Variants in SLC18A1 observed in about 807,000 individuals in gnomAD.
The protein encoded by SLC18A1 is chromaffin granule amine transporter.
In SLC18A1, 69 loss-of-function variants were observed where a neutral mutation model predicts 53.7. The observed-to-expected ratio is 1.28, with a 90% CI of 1.06 to 1.57. SLC18A1 has a LOEUF of 1.57. Among genes scored for constraint, SLC18A1 ranks in the 40% most tolerant of loss-of-function variants. SLC18A1 has a pLI of 0.00. For missense variants in SLC18A1, 932 were observed against 668.1 expected (o/e 1.40, Z -4.35); for synonymous variants, 320 against 248.1 (o/e 1.29, Z -2.72).
intron 10 of SLC18A1, among the ~76,000 whole-genome samples, chr8:20,163,500 T>A (rs1052787794): frequency 6.6e-6 from 1 of 152,074 alleles, no homozygotes; most frequent in African/African-American, 2.4e-5. Context: ...TAGTATATGG[T>A]GGGCCACATA....
At chr8:20,178,611 T>C (rs1392982228) in intron 3 of SLC18A1, 118 bp from the exon 4 acceptor site, 4 of 715,644 alleles carry the variant, frequency 5.6e-6, no homozygotes, top group African/African-American at 1.8e-5. Flanking sequence ...TGGTAAAACA[T>C]GCCTCTGAAT....
intron 4 of SLC18A1, among the ~76,000 whole-genome samples, chr8:20,176,079 C>T (rs192931251): frequency 8.2e-4 from 125 of 152,252 alleles, no homozygotes; most frequent in Middle Eastern, 3.4e-3. Context: ...GGTTGTTTGT[C>T]CCCACCAAAT....
intron 7 of SLC18A1, 120 bp downstream of exon 7, chr8:20,171,285 T>C: frequency 7.7e-7 from 1 of 1,303,128 alleles, no homozygotes; most frequent in Non-Finnish European, 1.1e-6. Flanking sequence ...AACGGGGCAG[T>C]CCTTGATCCA....
intron 15 of SLC18A1, 148 bp downstream of exon 15, chr8:20,147,110 T>G (rs2128866510): frequency 1.3e-6 from 1 of 791,182 alleles, no homozygotes; most frequent in Non-Finnish European, 1.9e-6. Context: ...AATATGAAGA[T>G]GAAAGGGGAT....
rs1388716783 is a variant in SLC18A1 at position 20,180,834 on chromosome 8, A to G, written c.124+7T>C. 6.2e-7 allele frequency: 1 copy of G among 1,613,664 alleles called. No individual in the cohort carries two copies. The highest frequency in any genetic ancestry group is 8.5e-7 in the Non-Finnish European group (1 of 1,179,798). ...TTAACCCTCAGCACAAAGACCCACA[A>G]ACGTACCCACCACAGTAAACAGCAT... On this transcript the variant is annotated splice_region_variant and intron_variant, in intron 2 of 15. Transcript: ENST00000276373.
rs1182481625 is a variant in SLC18A1 at position 20,147,705 on chromosome 8, T to C, written c.1228A>G (p.Met410Val). The change falls in exon 14 of 16, where the codon ATG (methionine) becomes GTG (valine). Residue 410 changes from methionine to valine, a missense_variant. Coordinates refer to ENST00000276373, the MANE Select transcript of SLC18A1 (RefSeq NM_003053.4). ...ACCAGGTGCCCCATGATGGGCATCA[T>C]AGAAGAATCCACCATGCCTGTGGCC... ...GLAIGMVDSS[M>V]MPIMGHLVDL... is the part of the protein sequence containing the mutation. The C allele has an allele frequency of 3.1e-6, 5 of 1,613,624 alleles. No homozygotes were observed. The highest frequency in any genetic ancestry group is 4.2e-6 in the Non-Finnish European group (5 of 1,179,880).
At chr8:20,173,157 C>A (rs763800310) in intron 5 of SLC18A1, 29 bp from the exon 6 acceptor site, 1 of 1,529,934 alleles carries the variant, frequency 6.5e-7, no homozygotes, top group South Asian at 1.2e-5. Context: ...ATGCAGCTGG[C>A]CCCCTGGGGG....
intron 15 of SLC18A1, among the ~76,000 whole-genome samples, chr8:20,146,411 G>A (rs2071399172): frequency 1.3e-5 from 2 of 152,156 alleles, no homozygotes; most frequent in African/African-American, 4.8e-5. Context: ...TTTAACAGTG[G>A]TAGTGAAAGT....
At chr8:20,149,610 CTCTCTCTG>C (rs1019055721) in intron 12 of SLC18A1, 58 bp downstream of exon 12, 16 of 1,238,906 alleles carry the variant, frequency 1.3e-5, no homozygotes, top group Middle Eastern at 1.9e-4. Context: ...CTCTCTCTCT[CTCTCTCTG>C]TCTGTCTGTC....
Position 20,145,867 on chromosome 8 carries a change from T to G in SLC18A1, c.1474A>C (p.Ser492Arg). Residue 492 changes from serine to arginine, a missense_variant, in exon 16 of 16, where the codon AGT becomes CGT. Physicochemically the swap from Ser to Arg is moderately radical, Grantham distance 110 (BLOSUM62 -1). Coordinates refer to ENST00000276373, the MANE Select transcript of SLC18A1 (RefSeq NM_003053.4). ...PAKEEKLAIL[S>R]QDCPMETRMY... ...CGGGTCTCCATGGGGCAGTCCTGACTCAGAATAGCCTGCAGAGAGAGGCAA... is the reference window on the plus strand; with the variant it reads ...CGGGTCTCCATGGGGCAGTCCTGACGCAGAATAGCCTGCAGAGAGAGGCAA... 6.2e-7 allele frequency: 1 copy of G among 1,602,802 alleles called. No homozygotes were observed. Among genetic ancestry groups the G allele is most frequent in the Non-Finnish European group, 8.5e-7 (1 of 1,173,750 alleles).
intron 10 of SLC18A1, among the ~76,000 whole-genome samples, chr8:20,160,554 A>G (rs1258863614): frequency 6.6e-6 from 1 of 152,110 alleles, no homozygotes; most frequent in African/African-American, 2.4e-5. Flanking sequence ...GTAAAATTGT[A>G]CAAATAATTT....
At chr8:20,182,439 T>C (rs1195767005) in intron 1 of SLC18A1, among the ~76,000 whole-genome samples, 3 of 152,246 alleles carry the variant, frequency 2.0e-5, no homozygotes, top group African/African-American at 7.2e-5. Flanking sequence ...TTTATCTCAA[T>C]TGTCTAAATA....
At chr8:20,167,209 G>A (rs1387768987) in intron 8 of SLC18A1, among the ~76,000 whole-genome samples, 1 of 151,754 alleles carries the variant, frequency 6.6e-6, no homozygotes, top group East Asian at 1.9e-4. Flanking sequence ...ACTAAAGGTG[G>A]AAAAAAGAAC....
intron 15 of SLC18A1, 76 bp downstream of exon 15, chr8:20,147,182 C>G (rs745741851): frequency 1.1e-5 from 16 of 1,493,874 alleles, no homozygotes; most frequent in Middle Eastern, 1.9e-4. Context: ...AATAACAGCC[C>G]AGGATGAAAG....
chr8:20,169,457 A>G (rs2072054875), intron 8 of SLC18A1, among the ~76,000 whole-genome samples: 1 of 149,096 alleles, frequency 6.7e-6, no homozygotes, highest in Non-Finnish European at 1.5e-5. Context: ...TTGACATTAC[A>G]TAAAAAAAAA....
At chr8:20,166,761 G>A (rs906548625) in intron 8 of SLC18A1, among the ~76,000 whole-genome samples, 3 of 152,178 alleles carry the variant, frequency 2.0e-5, no homozygotes, top group Admixed American at 2.0e-4. Flanking sequence ...TAATATGACT[G>A]TGTTTGGAGA....
intron 10 of SLC18A1, among the ~76,000 whole-genome samples, chr8:20,152,887 A>G (rs1056532685): frequency 1.3e-5 from 2 of 152,152 alleles, no homozygotes; most frequent in African/African-American, 4.8e-5. Flanking sequence ...TGCTCCAACC[A>G]TAATTAAAGA....
Position 20,179,135 on chromosome 8 carries a change from G to C in SLC18A1, c.474C>G (p.Gly158=). ...VMQLLVNPFV[G]PLTNRIGYHI... ...CAGTGAGATACCTGTTGGTGAGAGG[G>C]CCCACGAATGGGTTGACCAGAAGTT... Residue 158 remains glycine (G), a synonymous_variant, in exon 3 of 16, where the codon GGC becomes GGG. Transcript: ENST00000276373. 2 of 1,611,534 alleles carry C rather than the reference G, an allele frequency of 1.2e-6. No individual in the cohort carries two copies. The highest frequency in any genetic ancestry group is 1.7e-6 in the Non-Finnish European group (2 of 1,178,260).
chr8:20,158,414 A>T (rs1484830720), intron 10 of SLC18A1, among the ~76,000 whole-genome samples: 2 of 152,160 alleles, frequency 1.3e-5, no homozygotes, highest in African/African-American at 4.8e-5. Flanking sequence ...CTGAACATAC[A>T]GAAGGAACAC....
Sources: allele counts gnomAD v4.1 joint callset (sites outside exome capture counted in the v4.1 genomes callset), GRCh38; gene constraint gnomAD v4.1.1; transcripts MANE v1.5; gene names NCBI Gene and HGNC (gene_info 2026-07-23, HGNC 2026-07-21).